BRINP3: variants seen among roughly 807,000 people sequenced by gnomAD.
BRINP3 encodes BMP/retinoic acid-inducible neural-specific protein 3.
In BRINP3, 19 loss-of-function variants were observed where a neutral mutation model predicts 71.0. The ratio of observed to expected loss-of-function variants is 0.27; its 90% CI spans 0.19 to 0.39. The LOEUF is 0.39. Ranked by LOEUF, BRINP3 falls within the 10% of genes least tolerant of loss-of-function variation. The pLI is 1.00. For missense variants in BRINP3, 959 were observed against 940.8 expected, an observed-to-expected ratio of 1.02 and a Z score of -0.25; for synonymous variants, 380 against 337.7, an observed-to-expected ratio of 1.13 and a Z score of -1.37.
intron 2 of BRINP3, among the ~76,000 whole-genome samples, chr1:190,339,809 T>C (rs1667536193): frequency 6.6e-6 from 1 of 152,022 alleles, no homozygotes; most frequent in Non-Finnish European, 1.5e-5. Flanking sequence ...AGTGAGTTTT[T>C]ACTTAGCAGA....
chr1:190,314,364 G>T (rs1665740792), intron 2 of BRINP3, among the ~76,000 whole-genome samples: 1 of 152,000 alleles, frequency 6.6e-6, no homozygotes, highest in Non-Finnish European at 1.5e-5. Context: ...AATGTCTTGG[G>T]TTACGGGACA....
chr1:190,415,786 C>A (rs983619612), intron 2 of BRINP3, among the ~76,000 whole-genome samples: 6 of 151,734 alleles, frequency 4.0e-5, no homozygotes, highest in Non-Finnish European at 7.4e-5. Context: ...ACTTGCAATA[C>A]CAGCTACTCA....
intron 7 of BRINP3, among the ~76,000 whole-genome samples, chr1:190,137,822 A>T (rs780996359): frequency 6.6e-5 from 10 of 152,190 alleles, no homozygotes; most frequent in Non-Finnish European, 1.5e-4. Context: ...TATTGATTAT[A>T]TTGATTAAAT....
chr1:190,349,978 T>C (rs1325733539), intron 2 of BRINP3, among the ~76,000 whole-genome samples: 1 of 152,020 alleles, frequency 6.6e-6, no homozygotes, highest in Non-Finnish European at 1.5e-5. Context: ...AGAGTAGTGT[T>C]AGGGTGCAGT....
chr1:190,260,060 T>A (rs1571548188), intron 4 of BRINP3, among the ~76,000 whole-genome samples: 1 of 135,694 alleles, frequency 7.4e-6, no homozygotes, highest in South Asian at 2.4e-4. Context: ...AAGAAGCAAC[T>A]TAAGAACCAC....
At chr1:190,474,837 C>G (rs1235460209) in intron 1 of BRINP3, 1 of 152,150 alleles carries the variant, frequency 6.6e-6, no homozygotes, top group Non-Finnish European at 1.5e-5. Context: ...GGCTGTGGAA[C>G]CAGCAGTAAC....
chr1:190,270,075 A>G (rs1469896449), intron 3 of BRINP3, among the ~76,000 whole-genome samples: 2 of 151,988 alleles, frequency 1.3e-5, no homozygotes, highest in Admixed American at 6.6e-5. Context: ...TAAAGTGGAT[A>G]AAAATTGTTT....
chr1:190,313,925 A>G (rs1665709927), intron 2 of BRINP3, among the ~76,000 whole-genome samples: 1 of 152,092 alleles, frequency 6.6e-6, no homozygotes, highest in Admixed American at 6.6e-5. Flanking sequence ...TAGAAAAACT[A>G]CAAATAGGTA....
At chr1:190,197,537 G>A (rs1037521881) in intron 6 of BRINP3, among the ~76,000 whole-genome samples, 1 of 152,142 alleles carries the variant, frequency 6.6e-6, no homozygotes, top group Non-Finnish European at 1.5e-5. Context: ...TTCCAAATCG[G>A]GGAAATTGGC....
intron 2 of BRINP3, among the ~76,000 whole-genome samples, chr1:190,368,788 A>G (rs1021980111): frequency 6.6e-6 from 1 of 152,170 alleles, no homozygotes; most frequent in Non-Finnish European, 1.5e-5. Context: ...GACCTTAGTT[A>G]TAGATTAAAG....
intron 2 of BRINP3, among the ~76,000 whole-genome samples, chr1:190,300,104 T>C (rs1664564513): frequency 6.6e-6 from 1 of 152,172 alleles, no homozygotes; most frequent in Non-Finnish European, 1.5e-5. Flanking sequence ...CCTGCCTTGC[T>C]AGATTGTGGA....
Position 190,098,518 on chromosome 1 carries a change from A to G in BRINP3, c.1801T>C (p.Leu601=), listed in dbSNP as rs774538814. The G allele has an allele frequency of 1.9e-5, 30 of 1,614,096 alleles. No individual in the cohort carries two copies. In the East Asian group the frequency reaches 6.2e-4, roughly 34 times the overall value. Residue 601 remains leucine, a synonymous_variant, in exon 8 of 8, where the codon TTG becomes CTG. Coordinates refer to ENST00000367462, the MANE Select transcript of BRINP3 (RefSeq NM_199051.3). The part of the protein sequence containing the change: ...NSFPDWERTK[L]DLPLQCYNWT... ...TTATAACACTGCAGGGGTAGGTCCAACTTAGTCCGCTCCCAGTCTGGAAAG... is the reference window on the plus strand; with the variant it reads ...TTATAACACTGCAGGGGTAGGTCCAGCTTAGTCCGCTCCCAGTCTGGAAAG...
rs937227530 is a variant in BRINP3, at chr1:190,440,274, GA to G, written c.236+14380del. Among the ~76,000 whole-genome samples, 25 of 151,370 alleles carry G rather than the reference GA, an allele frequency of 1.7e-4. 1 individual carries two copies. Among genetic ancestry groups the G allele is most frequent in the African/African-American group, 5.1e-4 (21 of 41,252 alleles). On this transcript the variant is annotated intron_variant, in intron 2 of 7. Coordinates refer to ENST00000367462, the MANE Select transcript of BRINP3 (RefSeq NM_199051.3). ...TTTACAAGCAAATAGGACTTATCTT[GA>G]AAAAAATTACACACGAATTTTAGAA...
chr1:190,402,372 T>A (rs1671989316), intron 2 of BRINP3, among the ~76,000 whole-genome samples: 1 of 152,202 alleles, frequency 6.6e-6, no homozygotes, highest in South Asian at 2.1e-4. Flanking sequence ...ATTAATGGTG[T>A]GTAATAACTC....
chr1:190,098,378 T>C lies in BRINP3; in HGVS notation c.1941A>G (p.Glu647=). ...GPNGNESIYY[E]PLEFIDPSRN... is the part of the protein sequence containing the mutation. ...GGGAAGGGTCAATAAACTCCAGAGG[T>C]TCATAGTAAATGCTCTCATTACCAT... is the stretch of plus-strand genomic sequence containing the variant. The change falls in exon 8 of 8, where the codon GAA becomes GAG. Residue 647 remains glutamate, a synonymous_variant. Transcript: ENST00000367462. The C allele has an allele frequency of 6.2e-7, 1 of 1,614,096 alleles. No individual in the cohort carries two copies. The highest frequency in any genetic ancestry group is 1.1e-5 in the South Asian group (1 of 91,072).
intron 1 of BRINP3, among the ~76,000 whole-genome samples, chr1:190,468,619 T>A (rs1451306476): frequency 1.3e-5 from 2 of 151,152 alleles, no homozygotes. Context: ...AGCGTTACAT[T>A]TTTGACCAAA....
intron 2 of BRINP3, among the ~76,000 whole-genome samples, chr1:190,431,736 A>T (rs1318058855): frequency 1.3e-5 from 2 of 152,148 alleles, no homozygotes; most frequent in Non-Finnish European, 2.9e-5. Flanking sequence ...CCCTGGGGAA[A>T]ATGAACACAC....
chr1:190,330,635 T>C (rs889171696), intron 2 of BRINP3, among the ~76,000 whole-genome samples: 2 of 152,000 alleles, frequency 1.3e-5, no homozygotes, highest in African/African-American at 4.8e-5. Context: ...ACTGGGTATA[T>C]ATCCAAAAGA....
intron 7 of BRINP3, among the ~76,000 whole-genome samples, chr1:190,119,886 C>T (rs773922833): frequency 1.3e-5 from 2 of 152,188 alleles, no homozygotes; most frequent in Non-Finnish European, 2.9e-5. Flanking sequence ...GCAGGCTACT[C>T]CTCACAGGGG....
Sources: allele counts gnomAD v4.1 joint callset (sites outside exome capture counted in the v4.1 genomes callset), GRCh38; gene constraint gnomAD v4.1.1; transcripts MANE v1.5; gene names NCBI Gene and HGNC (gene_info 2026-07-23, HGNC 2026-07-21).